Variants in ENOSF1 observed in about 807,000 individuals in gnomAD.
ENOSF1 encodes enolase superfamily member 1, also known as mitochondrial enolase superfamily member 1.
A neutral mutation model predicts 68.2 loss-of-function variants in ENOSF1; 73 were observed. The ratio of observed to expected loss-of-function variants is 1.07; its 90% CI spans 0.89 to 1.30. The LOEUF is 1.30. Among genes scored for constraint, ENOSF1 ranks in the 50% most tolerant of loss-of-function variants. The pLI, the probability that ENOSF1 is intolerant of heterozygous loss-of-function variation, is 0.00. For missense variants in ENOSF1, 589 were observed against 554.5 expected (o/e 1.06, Z -0.62); for synonymous variants, 223 against 210.4 (o/e 1.06, Z -0.52).
intron 2 of ENOSF1, among the ~76,000 whole-genome samples, chr18:702,749 A>G (rs532860574): frequency 6.6e-6 from 1 of 152,336 alleles, no homozygotes; most frequent in African/African-American, 2.4e-5. Context: ...AAATAAATTA[A>G]TAAATAATAA....
rs531031825 is a variant in ENOSF1 at position 677,378 on chromosome 18, T to C, written c.1115A>G (p.Asp372Gly). The C allele has an allele frequency of 3.3e-5, 53 of 1,613,680 alleles. No homozygotes were observed. The Admixed American group carries it at 5.0e-4, about 15-fold the overall frequency. Reference sequence around the variant, plus strand: ...AAGGCTTGCAGAAACTGATATGTAGTCAAATATAATCAGGTGCTGCACCAG... The same window carrying C: ...AAGGCTTGCAGAAACTGATATGTAGCCAAATATAATCAGGTGCTGCACCAG... Reference protein sequence around the residue: ...CELVQHLIIFDYISVSASLEN... With the variant: ...CELVQHLIIFGYISVSASLEN... Residue 372 changes from aspartate to glycine, a missense_variant, in exon 14 of 16, where the codon GAC becomes GGC. Asp to Gly is a moderately conservative substitution (Grantham distance 94). Transcript: ENST00000647584.
At chr18:665,546 C>T (rs1306159317), downstream of ENOSF1, among the ~76,000 whole-genome samples, 3 of 122,442 alleles carry the variant, frequency 2.5e-5, no homozygotes, top group Non-Finnish European at 4.9e-5. Flanking sequence ...TTATTTCTTG[C>T]CTTCTGCTAG....
In ENOSF1 at chr18:701,713, C is replaced by T. The variant is rs186090721; in HGVS notation, c.194-4358G>A. On this transcript the variant is annotated intron_variant, in intron 2 of 15. Transcript: ENST00000647584. ...CAGAGCTTGCAGTGAGCTGAGATCG[C>T]GCCACTGTACTCCAGCCTGGGTGAC... Among the ~76,000 whole-genome samples the T allele has an allele frequency of 5.3e-5, 8 of 150,406 alleles. No individual in the cohort carries two copies. The East Asian group carries it at 7.9e-4, about 15-fold the overall frequency.
the ENOSF1 span, among the ~76,000 whole-genome samples, chr18:664,514 TCTC>T: frequency 3.6e-5 from 5 of 138,792 alleles, no homozygotes; most frequent in East Asian, 1.1e-3. Context: ...TTTATTTCCT[TCTC>T]CTGCCTAATT....
chr18:702,269 A>C (rs1248359647), intron 2 of ENOSF1, among the ~76,000 whole-genome samples: 1 of 149,030 alleles, frequency 6.7e-6, no homozygotes, highest in Non-Finnish European at 1.5e-5. Flanking sequence ...CATCTCAAAA[A>C]AAAAAAAAAA....
chr18:707,962 C>T (rs949486830), intron 1 of ENOSF1, among the ~76,000 whole-genome samples: 5 of 151,496 alleles, frequency 3.3e-5, no homozygotes, highest in African/African-American at 1.2e-4. Flanking sequence ...TGGATTCAAG[C>T]GATTCTTCTG....
At chr18:676,120 A>C (rs1464862506) in intron 14 of ENOSF1, among the ~76,000 whole-genome samples, 1 of 152,232 alleles carries the variant, frequency 6.6e-6, no homozygotes, top group Non-Finnish European at 1.5e-5. Context: ...AGAGCAGAGG[A>C]TTTAGAATCA....
rs576318932 is a variant in ENOSF1 at position 681,676 on chromosome 18, C to T, written c.876+1570G>A. On this transcript the variant is annotated intron_variant, in intron 11 of 15. Coordinates refer to ENST00000647584, the MANE Select transcript of ENOSF1 (RefSeq NM_017512.7). Reference sequence around the variant, plus strand: ...TTCCCTCACCTGAGGCTTAGCTTTCCTTATGGAGTCAGCTCTGGCCATCTC... The same window carrying T: ...TTCCCTCACCTGAGGCTTAGCTTTCTTTATGGAGTCAGCTCTGGCCATCTC... Among the ~76,000 whole-genome samples the T allele has an allele frequency of 3.3e-4, 51 of 152,340 alleles. 1 individual carries two copies. Among genetic ancestry groups the T allele is most frequent in the African/African-American group, 1.2e-3 (49 of 41,586 alleles).
intron 3 of ENOSF1, among the ~76,000 whole-genome samples, chr18:694,641 A>G (rs559324650): frequency 8.6e-5 from 13 of 151,886 alleles, no homozygotes; most frequent in East Asian, 1.9e-4. Flanking sequence ...AAAAAAAAAA[A>G]AGAGAGAGAG....
At chr18:703,007 T>C (rs1240712292) in intron 2 of ENOSF1, among the ~76,000 whole-genome samples, 1 of 152,138 alleles carries the variant, frequency 6.6e-6, no homozygotes. Context: ...TTTTCATCTT[T>C]AGTGTGAGTG....
Position 672,646 on chromosome 18 carries a change from G to A in ENOSF1, c.*1659C>T, listed in dbSNP as rs1054162796. On this transcript the variant is annotated 3_prime_UTR_variant, in exon 16 of 16. Coordinates refer to ENST00000647584, the MANE Select transcript of ENOSF1 (RefSeq NM_017512.7). ...CACCAGGCTCCTGATGCTGTGTAAT[G>A]TCACAAAATACCCCTCACTCTCGAT... The A allele has an allele frequency of 7.3e-6, 3 of 408,558 alleles. No homozygotes were observed. Among genetic ancestry groups the A allele is most frequent in the Non-Finnish European group, 1.3e-5 (3 of 231,286 alleles). The allele number at this position is 408,558 out of a possible 1,614,324, so 25.3% of individuals were successfully genotyped here.
downstream of ENOSF1, among the ~76,000 whole-genome samples, chr18:668,141 TTGTG>T (rs1257715940): frequency 6.6e-6 from 1 of 152,112 alleles, no homozygotes; most frequent in African/African-American, 2.4e-5. Flanking sequence ...TTACGTGCAC[TTGTG>T]TATGTGTGTA....
At chr18:706,156 C>A (rs935110113) in intron 2 of ENOSF1, among the ~76,000 whole-genome samples, 7 of 151,888 alleles carry the variant, frequency 4.6e-5, no homozygotes, top group African/African-American at 1.2e-4. Context: ...CGACAGTGGC[C>A]CCGGGTGAAA....
intron 12 of ENOSF1, 94 bp downstream of exon 12, chr18:678,602 T>G: frequency 8.1e-7 from 1 of 1,232,370 alleles, no homozygotes; most frequent in East Asian, 2.3e-5. Flanking sequence ...GTACAGCAGG[T>G]GATGGAGCCT....
chr18:680,887 C>T (rs898921218), intron 11 of ENOSF1, among the ~76,000 whole-genome samples: 10 of 151,556 alleles, frequency 6.6e-5, no homozygotes, highest in Admixed American at 2.6e-4. Context: ...GCTCTGTCAC[C>T]CAGGCTGGAG....
chr18:691,024 A>G (rs1399312898), intron 7 of ENOSF1, 44 bp downstream of exon 7: 1 of 1,607,266 alleles, frequency 6.2e-7, no homozygotes, highest in Non-Finnish European at 8.5e-7. Context: ...TCAAAAGTGG[A>G]CAATGTTAGC....
downstream of ENOSF1, among the ~76,000 whole-genome samples, chr18:665,438 A>C (rs2074801204): frequency 6.7e-6 from 1 of 150,042 alleles, no homozygotes; most frequent in Admixed American, 6.6e-5. Flanking sequence ...GCGGTCTATA[A>C]ATTTTGTTGA....
chr18:666,704 G>A (rs1331664361), downstream of ENOSF1, among the ~76,000 whole-genome samples: 1 of 152,184 alleles, frequency 6.6e-6, no homozygotes, highest in Admixed American at 6.5e-5. Context: ...TTTTATGTGC[G>A]GTCATGAGAT....
downstream of ENOSF1, among the ~76,000 whole-genome samples, chr18:666,572 A>C (rs1424079626): frequency 6.6e-6 from 1 of 152,222 alleles, no homozygotes; most frequent in Non-Finnish European, 1.5e-5. Context: ...AGCTGGGCAG[A>C]GACCAGCAAC....
Sources: gnomAD v4.1 joint callset for allele counts (sites outside exome capture counted in the v4.1 genomes callset) on GRCh38, gnomAD v4.1.1 for gene constraint, MANE v1.5 for transcripts, NCBI Gene and HGNC (gene_info 2026-07-23, HGNC 2026-07-21) for gene names.